GRM3: variants seen among roughly 807,000 people sequenced by gnomAD.
The protein encoded by GRM3 is glutamate metabotropic receptor 3.
In GRM3, 26 loss-of-function variants were observed where a neutral mutation model predicts 70.5. The ratio of observed to expected loss-of-function variants is 0.37; its 90% CI spans 0.27 to 0.51. The LOEUF is 0.51. GRM3 is among the 20% of genes least tolerant of loss of function. The pLI, the probability that GRM3 is intolerant of heterozygous loss-of-function variation, is 0.93. For missense variants in GRM3, 859 were observed against 1,123.8 expected (o/e 0.76, Z 3.37); for synonymous variants, 443 against 434.9 (o/e 1.02, Z -0.23).
At chr7:86,814,044 G>A (rs1196063624) in intron 3 of GRM3, among the ~76,000 whole-genome samples, 1 of 151,714 alleles carries the variant, frequency 6.6e-6, no homozygotes, top group Non-Finnish European at 1.5e-5. Flanking sequence ...TTGAAGGAAA[G>A]TAGACTATAA....
chr7:86,773,351 T>TTTTATTTA (rs147567573), intron 2 of GRM3, among the ~76,000 whole-genome samples: 8 of 151,944 alleles, frequency 5.3e-5, no homozygotes, highest in African/African-American at 1.9e-4. Context: ...ATCCATTACC[T>TTTTATTTA]TTTATTTATT....
At chr7:86,753,109 C>G (rs1474257533) in intron 1 of GRM3, among the ~76,000 whole-genome samples, 1 of 152,044 alleles carries the variant, frequency 6.6e-6, no homozygotes, top group African/African-American at 2.4e-5. Flanking sequence ...TCCCCAAGAT[C>G]ACACACCACC....
chr7:86,721,494 C>T (rs371713814), intron 1 of GRM3, among the ~76,000 whole-genome samples: 17 of 152,088 alleles, frequency 1.1e-4, no homozygotes, highest in African/African-American at 3.4e-4. Flanking sequence ...TCATAATAGA[C>T]AATTGTATTA....
rs1798527661 is a variant in GRM3 at position 86,839,824 on chromosome 7, C to T, written c.2310C>T (p.Phe770=). Residue 770 remains phenylalanine, a synonymous_variant, in exon 4 of 6, where the codon TTC becomes TTT. Coordinates refer to ENST00000361669, the MANE Select transcript of GRM3 (RefSeq NM_000840.3). This position sits in a 1 kb window ranked among gnomAD's most constrained non-coding sequence, Gnocchi z 4.5. ...KCPENFNEAK[F]IGFTMYTTCI... ...CAGAAAATTTCAACGAAGCTAAGTT[C>T]ATAGGTTTTACCATGTACACCACGT... 1 of 1,613,896 alleles carries T rather than the reference C, an allele frequency of 6.2e-7. No individual in the cohort carries two copies. Among genetic ancestry groups the T allele is most frequent in the Non-Finnish European group, 8.5e-7 (1 of 1,179,916 alleles).
Position 86,671,550 on chromosome 7 carries a change from A to G in GRM3, c.-141+26678A>G, listed in dbSNP as rs148919898. Reference sequence around the variant, plus strand: ...CTCATGAGTAGGCTCCATCTTACTCACCACCTATCTATTAATATCTACTGA... The same window carrying G: ...CTCATGAGTAGGCTCCATCTTACTCGCCACCTATCTATTAATATCTACTGA... On this transcript the variant is annotated intron_variant, in intron 1 of 5. Transcript: ENST00000361669. Among the ~76,000 whole-genome samples, 407 of 152,270 alleles carry G rather than the reference A, an allele frequency of 2.7e-3. 2 individuals carry two copies. The highest frequency in any genetic ancestry group is 0.017 in the Middle Eastern group (5 of 294).
intron 1 of GRM3, among the ~76,000 whole-genome samples, chr7:86,733,955 T>C (rs1795798389): frequency 6.6e-6 from 1 of 152,250 alleles, no homozygotes; most frequent in East Asian, 1.9e-4. Context: ...GCTGTGTGCC[T>C]GCACTCCAAA....
chr7:86,725,144 T>G (rs1053670892), intron 1 of GRM3, among the ~76,000 whole-genome samples: 1 of 152,152 alleles, frequency 6.6e-6, no homozygotes, highest in African/African-American at 2.4e-5. Flanking sequence ...TTAGGTACAT[T>G]TCTTAAGTTC....
At chr7:86,823,943 C>A (rs1158155091) in intron 3 of GRM3, among the ~76,000 whole-genome samples, 1 of 152,134 alleles carries the variant, frequency 6.6e-6, no homozygotes, top group South Asian at 2.1e-4. Context: ...AATGGCAGAT[C>A]TTCCTTCCCC....
chr7:86,708,058 C>T (rs966077622), intron 1 of GRM3, among the ~76,000 whole-genome samples: 1 of 152,108 alleles, frequency 6.6e-6, no homozygotes, highest in African/African-American at 2.4e-5. Flanking sequence ...CCGGTACTAA[C>T]AACAGATAGA....
intron 5 of GRM3, among the ~76,000 whole-genome samples, chr7:86,864,000 TTTTAA>T (rs756886467): frequency 2.7e-4 from 41 of 152,260 alleles, no homozygotes; most frequent in Admixed American, 2.0e-4. Context: ...TAAAATGAGT[TTTTAA>T]TTTAATTTTA....
At chr7:86,671,137 T>C (rs1794161329) in intron 1 of GRM3, among the ~76,000 whole-genome samples, 1 of 152,212 alleles carries the variant, frequency 6.6e-6, no homozygotes, top group African/African-American at 2.4e-5. Context: ...TTCAAGTGAC[T>C]CTCTTGCCTC....
chr7:86,823,502 T>G (rs1370268737), intron 3 of GRM3, among the ~76,000 whole-genome samples: 1 of 150,004 alleles, frequency 6.7e-6, no homozygotes, highest in African/African-American at 2.5e-5. Flanking sequence ...TCAATTATAG[T>G]GCAGTGCTCT....
chr7:86,699,009 C>T (rs562058215), intron 1 of GRM3, among the ~76,000 whole-genome samples: 1 of 152,126 alleles, frequency 6.6e-6, no homozygotes, highest in Admixed American at 6.6e-5. Flanking sequence ...TAATGAATTT[C>T]CCACAAGCCT....
intron 5 of GRM3, among the ~76,000 whole-genome samples, chr7:86,856,788 C>CT (rs985559850): frequency 5.9e-5 from 9 of 152,112 alleles, no homozygotes; most frequent in Non-Finnish European, 1.0e-4. Context: ...CTCACAACTG[C>CT]TTTTTTCCAT....
At chr7:86,772,226 A>G (rs1334251185) in intron 2 of GRM3, among the ~76,000 whole-genome samples, 1 of 152,116 alleles carries the variant, frequency 6.6e-6, no homozygotes, top group Non-Finnish European at 1.5e-5. Flanking sequence ...TTACCTATGT[A>G]CAGTTGATAA....
chr7:86,688,088 CTGTT>C (rs1384918756), intron 1 of GRM3, among the ~76,000 whole-genome samples: 1 of 151,530 alleles, frequency 6.6e-6, no homozygotes, highest in Non-Finnish European at 1.5e-5. Flanking sequence ...GCATTTCACT[CTGTT>C]TAAGTATATG....
chr7:86,844,111 G>A (rs929370916), intron 4 of GRM3, among the ~76,000 whole-genome samples: 2 of 152,140 alleles, frequency 1.3e-5, no homozygotes, highest in African/African-American at 4.8e-5. Context: ...AGAGTCTTGG[G>A]AATTGACTCT....
At chr7:86,803,781 T>C (rs1048695333) in intron 3 of GRM3, among the ~76,000 whole-genome samples, 2 of 152,136 alleles carry the variant, frequency 1.3e-5, no homozygotes, top group Admixed American at 1.3e-4. Flanking sequence ...TGTTTGTTTT[T>C]CCCTCATGTT....
At chr7:86,653,063 A>G (rs1281180163) in intron 1 of GRM3, among the ~76,000 whole-genome samples, 1 of 152,214 alleles carries the variant, frequency 6.6e-6, no homozygotes, top group Non-Finnish European at 1.5e-5. Flanking sequence ...TCACAGTTGC[A>G]GATGTTGCGA....
Sources: allele counts gnomAD v4.1 joint callset (sites outside exome capture counted in the v4.1 genomes callset), GRCh38; gene constraint gnomAD v4.1.1; non-coding constraint Gnocchi (gnomAD v3.1); transcripts MANE v1.5; gene names NCBI Gene and HGNC (gene_info 2026-07-23, HGNC 2026-07-21).